The following TSPEAR variants were observed in gnomAD, a reference collection of about 807,000 sequenced individuals.
TSPEAR encodes thrombospondin-type laminin G domain and EAR repeat-containing protein.
A neutral mutation model predicts 71.6 loss-of-function variants in TSPEAR; 69 were observed. That is an observed-to-expected ratio of 0.96 (90% confidence interval 0.79 to 1.18). The LOEUF is 1.18. Ranked by LOEUF, TSPEAR falls within the 50% of genes most tolerant of loss-of-function variation. TSPEAR has a pLI of 0.00. For missense variants in TSPEAR, 971 were observed against 894.9 expected (o/e 1.09, Z -1.09); for synonymous variants, 402 against 387.2 (o/e 1.04, Z -0.45).
chr21:44,697,875 G>A (rs1555950986), intron 1 of TSPEAR: 1 of 1,603,484 alleles, frequency 6.2e-7, no homozygotes, highest in Non-Finnish European at 8.5e-7. Context: ...CAGCCAAGCT[G>A]CGGCCGCCTG....
At chr21:44,585,158 G>T (rs782293653) in intron 1 of TSPEAR, among the ~76,000 whole-genome samples, 26 of 152,158 alleles carry the variant, frequency 1.7e-4, no homozygotes, top group Non-Finnish European at 3.2e-4. Flanking sequence ...GTCATGGGTG[G>T]TAAACTTTCT....
chr21:44,565,394 A>C (rs1400964929), intron 2 of TSPEAR, among the ~76,000 whole-genome samples: 1 of 152,176 alleles, frequency 6.6e-6, no homozygotes, highest in Non-Finnish European at 1.5e-5. Context: ...CCATAATCAC[A>C]CAAAGACATC....
At chr21:44,585,204 C>T (rs1463184814) in intron 1 of TSPEAR, among the ~76,000 whole-genome samples, 1 of 152,146 alleles carries the variant, frequency 6.6e-6, no homozygotes, top group Non-Finnish European at 1.5e-5. Context: ...CTCCTGCTGA[C>T]ACCTGCCACA....
chr21:44,670,789 T>C (rs1380486146), intron 1 of TSPEAR, among the ~76,000 whole-genome samples: 19 of 152,134 alleles, frequency 1.2e-4, no homozygotes, highest in Non-Finnish European at 2.5e-4. Context: ...CCCCTAAAAG[T>C]CTGCATCCTG....
Position 44,623,014 on chromosome 21 carries a change from C to T in TSPEAR, c.83-55009G>A, listed in dbSNP as rs1280521503. ...CTACTCTTTTGCCATGTGACATGCC[C>T]ACTCCCCCTTCACCTTCCACCATGA... On this transcript the variant is annotated intron_variant, in intron 1 of 11. Transcript: ENST00000323084. This position sits in a 1 kb window ranked among gnomAD's most constrained non-coding sequence, Gnocchi z 4.5. 3.9e-5 allele frequency among the ~76,000 whole-genome samples: 6 copies of T among 152,124 alleles called. No individual in the cohort carries two copies. Among genetic ancestry groups the T allele is most frequent in the Non-Finnish European group, 8.8e-5 (6 of 68,032 alleles).
intron 4 of TSPEAR, 148 bp from the exon 5 acceptor site, chr21:44,530,102 T>A: frequency 1.2e-6 from 1 of 822,258 alleles, no homozygotes; most frequent in Non-Finnish European, 1.8e-6. Context: ...GGGAAGAGTT[T>A]ACATGATGGT....
At chr21:44,653,751 G>A (rs1384333972) in intron 1 of TSPEAR, among the ~76,000 whole-genome samples, 4 of 152,140 alleles carry the variant, frequency 2.6e-5, no homozygotes, top group Admixed American at 2.0e-4. Context: ...TACATTTAAG[G>A]AACAAAGTGG....
chr21:44,592,399 G>T (rs1422448181), intron 1 of TSPEAR: 1 of 1,597,502 alleles, frequency 6.3e-7, no homozygotes. Context: ...CCAGGAGTCG[G>T]AGCAAGAGTC....
intron 10 of TSPEAR, 114 bp downstream of exon 10, chr21:44,509,085 C>A: frequency 7.3e-7 from 1 of 1,378,022 alleles, no homozygotes; most frequent in Non-Finnish European, 9.9e-7. Flanking sequence ...ACAGGAAGGT[C>A]CCCAGGCCAG....
chr21:44,707,039 G>A (rs1434138320), intron 1 of TSPEAR, among the ~76,000 whole-genome samples: 3 of 152,242 alleles, frequency 2.0e-5, no homozygotes, highest in Non-Finnish European at 4.4e-5. Flanking sequence ...AATTGGCGCC[G>A]GCATCAGTTG....
At chr21:44,677,869 C>T in intron 1 of TSPEAR, 4 of 1,358,390 alleles carry the variant, frequency 2.9e-6, no homozygotes, top group Non-Finnish European at 4.2e-6. Context: ...TCTACTCTTT[C>T]TCGGAAATGG....
intron 7 of TSPEAR, 93 bp from the exon 8 acceptor site, chr21:44,525,932 C>G: frequency 7.8e-7 from 1 of 1,284,308 alleles, no homozygotes; most frequent in Non-Finnish European, 1.1e-6. Flanking sequence ...CATCTCTCTC[C>G]AGATCCACGG....
At chr21:44,648,967 C>T (rs1555940845) in intron 1 of TSPEAR, among the ~76,000 whole-genome samples, 1 of 152,222 alleles carries the variant, frequency 6.6e-6, no homozygotes, top group Admixed American at 6.5e-5. Flanking sequence ...CACAGCACAG[C>T]GACAGCTCCG....
At position 44,687,929 on chromosome 21, in the gene TSPEAR, G is replaced by A. The variant is rs1284629222; in HGVS notation, c.82+23504C>T. On this transcript the variant is annotated intron_variant, in intron 1 of 11. Coordinates refer to ENST00000323084, the MANE Select transcript of TSPEAR (RefSeq NM_144991.3). The surrounding 1 kb of genome is among the most constrained non-coding windows in gnomAD (Gnocchi z 4.4). ...CCCTGCAGTGCCTGTGAAATATGATGCACTGACAGAGGCCGGCTCGGGGGT... is the reference window on the plus strand; with the variant it reads ...CCCTGCAGTGCCTGTGAAATATGATACACTGACAGAGGCCGGCTCGGGGGT... 6.6e-6 allele frequency among the ~76,000 whole-genome samples: 1 copy of A among 152,248 alleles called. No homozygotes were observed. The highest frequency in any genetic ancestry group is 2.4e-5 in the African/African-American group (1 of 41,454).
At chr21:44,551,973 C>G (rs1403376026) in intron 2 of TSPEAR, among the ~76,000 whole-genome samples, 1 of 152,186 alleles carries the variant, frequency 6.6e-6, no homozygotes, top group African/African-American at 2.4e-5. Context: ...CTGGCGGGCT[C>G]TGGGATCTTC....
chr21:44,566,961 G>A (rs1181814376), intron 2 of TSPEAR, among the ~76,000 whole-genome samples: 1 of 151,948 alleles, frequency 6.6e-6, no homozygotes, highest in Non-Finnish European at 1.5e-5. Flanking sequence ...TTGGATTCTT[G>A]GATATGATAT....
intron 1 of TSPEAR, among the ~76,000 whole-genome samples, chr21:44,640,457 T>C (rs1353751843): frequency 1.3e-5 from 2 of 152,202 alleles, no homozygotes; most frequent in Non-Finnish European, 2.9e-5. Flanking sequence ...AATTACATAT[T>C]GGTGATGGCT....
At chr21:44,647,276 G>C (rs782728144) in intron 1 of TSPEAR, 1 of 1,601,764 alleles carries the variant, frequency 6.2e-7, no homozygotes, top group South Asian at 1.1e-5. Context: ...CCGGCCTCCT[G>C]CGTGTCCCTC....
chr21:44,586,491 T>C (rs1979347056), intron 1 of TSPEAR, among the ~76,000 whole-genome samples: 1 of 152,296 alleles, frequency 6.6e-6, no homozygotes, highest in Admixed American at 6.5e-5. Context: ...TCACAAGCCA[T>C]GAAGCTCACC....
Sources: gnomAD v4.1 joint callset for allele counts (sites outside exome capture counted in the v4.1 genomes callset) on GRCh38, gnomAD v4.1.1 for gene constraint, Gnocchi (gnomAD v3.1) non-coding constraint, MANE v1.5 for transcripts, NCBI Gene and HGNC (gene_info 2026-07-23, HGNC 2026-07-21) for gene names.